The following STAG1 variants were observed in gnomAD, a reference collection of about 807,000 sequenced individuals.
The protein encoded by STAG1 is cohesin subunit SA-1.
Under a neutral mutation model 170.9 loss-of-function variants are expected in STAG1, and 26 were observed. That is an observed-to-expected ratio of 0.15 (90% confidence interval 0.11 to 0.21). STAG1 has a LOEUF of 0.21. Among genes scored for constraint, STAG1 ranks in the 10% least tolerant of loss-of-function variants. STAG1 has a pLI of 1.00. For missense variants in STAG1, 964 were observed against 1,509.5 expected, an observed-to-expected ratio of 0.64 and a Z score of 5.99; for synonymous variants, 514 against 497.7, an observed-to-expected ratio of 1.03 and a Z score of -0.44.
chr3:136,666,937 G>A (rs982124359), intron 1 of STAG1, among the ~76,000 whole-genome samples: 55 of 152,022 alleles, frequency 3.6e-4, no homozygotes, highest in African/African-American at 1.2e-3. Flanking sequence ...TGAGCATCTA[G>A]AAAGAAAACT....
At chr3:136,728,574 T>C (rs998602098) in intron 1 of STAG1, among the ~76,000 whole-genome samples, 2 of 152,154 alleles carry the variant, frequency 1.3e-5, no homozygotes, top group Admixed American at 6.6e-5. Context: ...AGTCAATATA[T>C]ACAATATGCT....
chr3:136,455,360 A>G (rs1190699368), intron 13 of STAG1, among the ~76,000 whole-genome samples: 1 of 152,188 alleles, frequency 6.6e-6, no homozygotes, highest in Non-Finnish European at 1.5e-5. Flanking sequence ...GTCATTTCAC[A>G]CGGTGCCAAC....
intron 9 of STAG1, among the ~76,000 whole-genome samples, chr3:136,486,037 G>A (rs2090004459): frequency 6.6e-6 from 1 of 152,108 alleles, no homozygotes. Context: ...TTAAAATACT[G>A]CATCGGGACC....
intron 10 of STAG1, among the ~76,000 whole-genome samples, chr3:136,474,879 C>G (rs1186351738): frequency 6.6e-6 from 1 of 152,138 alleles, no homozygotes; most frequent in African/African-American, 2.4e-5. Flanking sequence ...AGCACATAGA[C>G]CCCTAGGAGG....
At chr3:136,722,561 G>A (rs990191242) in intron 1 of STAG1, among the ~76,000 whole-genome samples, 1 of 152,020 alleles carries the variant, frequency 6.6e-6, no homozygotes. Flanking sequence ...AGGAACAAAG[G>A]AGAATTACTG....
At chr3:136,638,224 C>G (rs1262961783) in intron 1 of STAG1, among the ~76,000 whole-genome samples, 1 of 151,900 alleles carries the variant, frequency 6.6e-6, no homozygotes, top group Non-Finnish European at 1.5e-5. Flanking sequence ...ATCTCCGCCT[C>G]CCAGATTCAA....
intron 21 of STAG1, among the ~76,000 whole-genome samples, chr3:136,399,929 T>C (rs1022138790): frequency 1.3e-5 from 2 of 152,082 alleles, no homozygotes; most frequent in Non-Finnish European, 2.9e-5. Flanking sequence ...AAACAAACTT[T>C]CTTTTTTTTT....
chr3:136,468,341 C>T (rs934225731), intron 12 of STAG1, among the ~76,000 whole-genome samples: 1 of 152,148 alleles, frequency 6.6e-6, no homozygotes, highest in African/African-American at 2.4e-5. Flanking sequence ...ACCGATCCCA[C>T]AGAAATACAA....
intron 1 of STAG1, among the ~76,000 whole-genome samples, chr3:136,683,609 T>C (rs1441831210): frequency 1.3e-5 from 2 of 152,008 alleles, no homozygotes; most frequent in African/African-American, 4.8e-5. Context: ...GTTGTACTGG[T>C]GAGAAACTAG....
intron 1 of STAG1, among the ~76,000 whole-genome samples, chr3:136,667,316 G>C (rs1941818660): frequency 6.6e-6 from 1 of 152,114 alleles, no homozygotes. Flanking sequence ...GGGTGGCAGA[G>C]GCAGGAGGAT....
chr3:136,730,391 T>C (rs907399294), intron 1 of STAG1, among the ~76,000 whole-genome samples: 3 of 152,152 alleles, frequency 2.0e-5, no homozygotes, highest in African/African-American at 4.8e-5. Context: ...GCTTAAGACA[T>C]TAGACTTTAG....
intron 2 of STAG1, among the ~76,000 whole-genome samples, chr3:136,623,906 C>T (rs1299734766): frequency 1.3e-5 from 2 of 151,826 alleles, no homozygotes; most frequent in Non-Finnish European, 2.9e-5. Flanking sequence ...GCCGAGATTA[C>T]GCCACTGCAC....
intron 1 of STAG1, among the ~76,000 whole-genome samples, chr3:136,662,191 G>A (rs909004559): frequency 3.5e-5 from 5 of 144,304 alleles, no homozygotes; most frequent in African/African-American, 1.3e-4. Context: ...TTGCTCTTTC[G>A]CCCAGGCTCA....
Position 136,338,186 on chromosome 3 carries a change from G to T in STAG1, c.*68C>A. 1 of 1,054,032 alleles carries T rather than the reference G, an allele frequency of 9.5e-7. No individual in the cohort carries two copies. 65.3% of individuals were successfully genotyped at this position (1,054,032 alleles called of 1,614,324 possible). A position where few individuals can be genotyped will look rare whatever the true frequency, so the allele number is the denominator to read the frequency against. On this transcript the variant is annotated 3_prime_UTR_variant, in exon 34 of 34. Coordinates refer to ENST00000383202, the MANE Select transcript of STAG1 (RefSeq NM_005862.3). ...ATCAAAAGTGTTTTTCCCCATACAA[G>T]CTATCACAGTATATAGGCCTCTAGC...
At chr3:136,392,660 G>A (rs1183834687) in intron 22 of STAG1, among the ~76,000 whole-genome samples, 1 of 151,784 alleles carries the variant, frequency 6.6e-6, no homozygotes, top group Non-Finnish European at 1.5e-5. Context: ...CAGCTACTGG[G>A]GAGGCTGACG....
intron 2 of STAG1, among the ~76,000 whole-genome samples, chr3:136,628,324 G>A (rs575807159): frequency 6.6e-6 from 1 of 152,216 alleles, no homozygotes; most frequent in Admixed American, 6.5e-5. Context: ...GTTCTTTATA[G>A]CAGTGTGAAA....
intron 4 of STAG1, among the ~76,000 whole-genome samples, chr3:136,573,832 G>T (rs374881279): frequency 6.6e-6 from 1 of 151,776 alleles, no homozygotes; most frequent in East Asian, 1.9e-4. Context: ...TTAGCGGGGC[G>T]TGGTGGTGGG....
At chr3:136,417,648 C>A in intron 21 of STAG1, 1 of 404,044 alleles carries the variant, frequency 2.5e-6, no homozygotes, top group East Asian at 4.4e-5. Context: ...GAAAAGTCTA[C>A]CTTAACAGTA....
chr3:136,739,362 G>C (rs1279602115), intron 1 of STAG1, among the ~76,000 whole-genome samples: 3 of 151,930 alleles, frequency 2.0e-5, no homozygotes, highest in Admixed American at 1.3e-4. Flanking sequence ...ACGAAAAAAC[G>C]TATTTTAATT....
Sources: allele counts gnomAD v4.1 joint callset (sites outside exome capture counted in the v4.1 genomes callset), GRCh38; gene constraint gnomAD v4.1.1; transcripts MANE v1.5; gene names NCBI Gene and HGNC (gene_info 2026-07-23, HGNC 2026-07-21).